The following HHAT variants were observed in gnomAD, a reference collection of about 807,000 sequenced individuals.
HHAT encodes the protein hedgehog acyltransferase, also known as protein-cysteine N-palmitoyltransferase HHAT.
HHAT carries 47 observed loss-of-function variants against 70.8 expected under a neutral mutation model. The ratio of observed to expected loss-of-function variants is 0.66; its 90% confidence interval spans 0.53 to 0.85. HHAT has a LOEUF of 0.85. HHAT is among the 40% of genes least tolerant of loss of function. The probability of loss-of-function intolerance (pLI) is 0.00; values close to 1 mark genes in which losing one functional copy is unlikely to be tolerated. For synonymous variants in HHAT, 228 were observed against 247.6 expected, an observed-to-expected ratio of 0.92 and a Z score of 0.74; for missense variants, 609 against 604.8, an observed-to-expected ratio of 1.01 and a Z score of -0.07.
chr1:210,568,217 C>G (rs937279547), intron 9 of HHAT, among the ~76,000 whole-genome samples: 3 of 152,236 alleles, frequency 2.0e-5, no homozygotes, highest in Non-Finnish European at 4.4e-5. Context: ...TTCCAGATAG[C>G]TAAACATGTG....
At chr1:210,546,802 G>A (rs1291094599) in intron 9 of HHAT, among the ~76,000 whole-genome samples, 2 of 152,148 alleles carry the variant, frequency 1.3e-5, no homozygotes, top group African/African-American at 4.8e-5. Context: ...AGTGGGAATG[G>A]GGAGGTTGGG....
chr1:210,331,478 G>A (rs150304510), intron 1 of HHAT, among the ~76,000 whole-genome samples: 117 of 152,266 alleles, frequency 7.7e-4, no homozygotes, highest in African/African-American at 2.7e-3. Flanking sequence ...CATACTTCTA[G>A]GGCCCGGTCA....
intron 9 of HHAT, among the ~76,000 whole-genome samples, chr1:210,575,009 A>T (rs1558193080): frequency 6.6e-6 from 1 of 152,196 alleles, no homozygotes; most frequent in Non-Finnish European, 1.5e-5. Context: ...AGAAACCCAT[A>T]GTTCACATGC....
intron 8 of HHAT, among the ~76,000 whole-genome samples, chr1:210,512,067 G>C (rs1433223441): frequency 1.3e-5 from 2 of 152,128 alleles, no homozygotes; most frequent in Non-Finnish European, 2.9e-5. Flanking sequence ...GACTGTACCA[G>C]TTTCGTGGTG....
chr1:210,364,153 C>G (rs1210627920), intron 3 of HHAT, among the ~76,000 whole-genome samples: 2 of 152,216 alleles, frequency 1.3e-5, no homozygotes, highest in African/African-American at 4.8e-5. Flanking sequence ...CTCTACCCAC[C>G]AGATGCTTCC....
At chr1:210,388,482 G>A (rs996785314) in intron 4 of HHAT, among the ~76,000 whole-genome samples, 1 of 152,022 alleles carries the variant, frequency 6.6e-6, no homozygotes, top group African/African-American at 2.4e-5. Flanking sequence ...GGCGTTTCCT[G>A]GGCTTGCTCC....
chr1:210,598,056 A>G (rs6691952), intron 10 of HHAT, among the ~76,000 whole-genome samples: 40,936 of 151,432 alleles, frequency 0.27, 6,995 homozygotes, highest in East Asian at 0.68. Flanking sequence ...TTATTTTGTC[A>G]GGACTGCATC....
chr1:210,654,082 A>T (rs1675815188), intron 11 of HHAT, among the ~76,000 whole-genome samples: 3 of 2,348 alleles, frequency 1.3e-3, no homozygotes, highest in Non-Finnish European at 2.2e-3. Flanking sequence ...GTGTGACGGG[A>T]GTAGTGTGAC....
chr1:210,425,605 C>T (rs1279929352), intron 7 of HHAT, among the ~76,000 whole-genome samples: 3 of 152,062 alleles, frequency 2.0e-5, no homozygotes, highest in African/African-American at 7.2e-5. Context: ...GGAATTATTT[C>T]CCCATTGCTT....
chr1:210,642,215 A>G (rs555202886), intron 11 of HHAT, among the ~76,000 whole-genome samples: 1 of 152,290 alleles, frequency 6.6e-6, no homozygotes, highest in South Asian at 2.1e-4. Context: ...AAGATTTATC[A>G]TTGTTATGTA....
intron 4 of HHAT, among the ~76,000 whole-genome samples, chr1:210,396,827 G>A (rs1410030617): frequency 6.6e-6 from 1 of 152,192 alleles, no homozygotes. Flanking sequence ...AGTGAAAAAA[G>A]CCAATCTTTG....
At chr1:210,421,772 G>A (rs566992753) in intron 7 of HHAT, among the ~76,000 whole-genome samples, 7 of 152,158 alleles carry the variant, frequency 4.6e-5, no homozygotes, top group Admixed American at 6.5e-5. Flanking sequence ...TGAAATAACT[G>A]TTAACTTTTG....
At chr1:210,333,166 T>C (rs1261998213) in intron 1 of HHAT, among the ~76,000 whole-genome samples, 1 of 152,228 alleles carries the variant, frequency 6.6e-6, no homozygotes. Flanking sequence ...ATTAAGCTAC[T>C]TGTTACTTGA....
intron 8 of HHAT, among the ~76,000 whole-genome samples, chr1:210,505,665 C>T (rs2094840397): frequency 6.6e-6 from 1 of 152,104 alleles, no homozygotes; most frequent in African/African-American, 2.4e-5. Flanking sequence ...TCTCAAACTT[C>T]CCAGACAGGA....
intron 9 of HHAT, among the ~76,000 whole-genome samples, chr1:210,530,998 A>G (rs1435840644): frequency 6.6e-6 from 1 of 152,200 alleles, no homozygotes; most frequent in African/African-American, 2.4e-5. Flanking sequence ...TTGTTAGGCA[A>G]TTTCATCATT....
At chr1:210,375,694 A>G (rs1452204186) in intron 3 of HHAT, among the ~76,000 whole-genome samples, 1 of 150,984 alleles carries the variant, frequency 6.6e-6, no homozygotes, top group Non-Finnish European at 1.5e-5. Context: ...CTTTGAACGT[A>G]TTTTTAACCT....
At chr1:210,620,829 G>A (rs893034540) in intron 10 of HHAT, among the ~76,000 whole-genome samples, 3 of 150,376 alleles carry the variant, frequency 2.0e-5, no homozygotes, top group Non-Finnish European at 2.9e-5. Flanking sequence ...TCAGATTTTA[G>A]TTGCCCCCCC....
chr1:210,420,675 CAA>C (rs35291878), intron 7 of HHAT, among the ~76,000 whole-genome samples: 4 of 143,166 alleles, frequency 2.8e-5, no homozygotes, highest in Non-Finnish European at 4.6e-5. Flanking sequence ...TTTAAAAAAA[CAA>C]AAAAAAAAAC....
intron 3 of HHAT, among the ~76,000 whole-genome samples, chr1:210,385,152 C>G (rs555463012): frequency 6.6e-6 from 1 of 151,408 alleles, no homozygotes; most frequent in Non-Finnish European, 1.5e-5. Flanking sequence ...AAAAATTAAA[C>G]TTGGAGAAGT....
Sources: gnomAD v4.1 joint callset for allele counts (sites outside exome capture counted in the v4.1 genomes callset) on GRCh38, gnomAD v4.1.1 for gene constraint, MANE v1.5 for transcripts, NCBI Gene and HGNC (gene_info 2026-07-23, HGNC 2026-07-21) for gene names.